LRWD1: variants seen among roughly 807,000 people sequenced by gnomAD.
The protein encoded by LRWD1 is leucine-rich repeat and WD repeat-containing protein 1.
A neutral mutation model predicts 75.6 loss-of-function variants in LRWD1; 76 were observed. That is an observed-to-expected ratio of 1.01 (90% CI 0.84 to 1.22). The LOEUF is 1.22. LRWD1 is among the 50% of genes most tolerant of loss of function. The probability of loss-of-function intolerance (pLI) is 0.00; values close to 1 mark genes in which losing one functional copy is unlikely to be tolerated. For synonymous variants in LRWD1, 487 were observed against 377.0 expected (o/e 1.29, Z -3.38); for missense variants, 917 against 862.0 (o/e 1.06, Z -0.80).
At chr7:102,471,273 G>T (rs1162033389) in intron 11 of LRWD1, 1 of 153,514 alleles carries the variant, frequency 6.5e-6, no homozygotes, top group African/African-American at 2.4e-5. Context: ...CACCGTGTTG[G>T]CCAGGCTGGT....
Position 102,472,221 on chromosome 7 carries a change from G to A in LRWD1, c.1446G>A (p.Val482=), listed in dbSNP as rs1798217202. 1.3e-6 allele frequency: 2 copies of A among 1,590,488 alleles called. No homozygotes were observed. Among genetic ancestry groups the A allele is most frequent in the South Asian group, 1.1e-5 (1 of 87,766 alleles). ...AGCATCTCGTGCTGCCCCACAGGGT[G>A]TGTGAAGTGGAATTCGTCTTCTCTG... is the stretch of plus-strand genomic sequence containing the variant. ...VRLDQPQKRR[V]CEVEFVFSEG... Residue 482 remains valine, a synonymous_variant, in exon 12 of 15, where the codon GTG becomes GTA. Coordinates refer to ENST00000292616, the MANE Select transcript of LRWD1 (RefSeq NM_152892.3).
rs766799859 is a variant in LRWD1, at chr7:102,467,306, G to T, written c.433-33G>T. The T allele has an allele frequency of 1.9e-6, 3 of 1,567,574 alleles. No individual in the cohort carries two copies. In the African/African-American group the frequency reaches 4.1e-5, roughly 21 times the overall value. On this transcript the variant is annotated intron_variant, in intron 3 of 14. Transcript: ENST00000292616. ...GGCTGGGTCCGGAGGAGCTGGGGTG[G>T]GCCGGGCCTGGATCTGGTCCCTCTT...
intron 11 of LRWD1, 64 bp downstream of exon 11, chr7:102,469,946 T>A: frequency 6.9e-7 from 1 of 1,440,870 alleles, no homozygotes; most frequent in South Asian, 1.4e-5. Flanking sequence ...TTGGCCCAGA[T>A]GGGCTCACAG....
Position 102,469,056 on chromosome 7 carries a change from C to T in LRWD1, c.1222C>T (p.Leu408Phe), listed in dbSNP as rs749544550. 1 of 1,602,966 alleles carries T rather than the reference C, an allele frequency of 6.2e-7. No individual in the cohort carries two copies. ...LCFSPAHETH[L>F]FTASYDKRII... Reference sequence around the variant, plus strand: ...CTTCAGCCCCGCCCACGAGACCCATCTCTTCAGTAAGCCCCTCCCCTTCAC... The same window carrying T: ...CTTCAGCCCCGCCCACGAGACCCATTTCTTCAGTAAGCCCCTCCCCTTCAC... Residue 408 changes from leucine (L) to phenylalanine (F), a missense_variant, in exon 9 of 15, where the codon CTC (leucine) becomes TTC (phenylalanine). Leu to Phe is a conservative substitution (Grantham distance 22). Coordinates refer to ENST00000292616, the MANE Select transcript of LRWD1 (RefSeq NM_152892.3).
chr7:102,468,693 C>A (rs562601883), intron 8 of LRWD1, 39 bp downstream of exon 8: 2 of 1,548,292 alleles, frequency 1.3e-6, no homozygotes, highest in Non-Finnish European at 8.7e-7. Context: ...CAAGGGTGCC[C>A]GACTGACTCC....
rs1308121768 is a variant in LRWD1 at position 102,473,113 on chromosome 7, G to A, written c.*64G>A. 1.4e-6 allele frequency: 2 copies of A among 1,409,366 alleles called. No individual in the cohort carries two copies. Among genetic ancestry groups the A allele is most frequent in the East Asian group, 4.8e-5 (2 of 41,586 alleles). 87.3% of individuals were successfully genotyped at this position (1,409,366 alleles called of 1,614,324 possible). On this transcript the variant is annotated 3_prime_UTR_variant, in exon 15 of 15. Transcript: ENST00000292616. ...AACTTATTCAGCTTTGGGCCGATGG[G>A]GGTGGGGGGGGGTCTTTCAGTGAAT...
At chr7:102,465,490 T>C (rs1212370160) in intron 1 of LRWD1, 1 of 6,560 alleles carries the variant, frequency 1.5e-4, no homozygotes, top group Non-Finnish European at 6.0e-4. Flanking sequence ...TAGTTGCAGC[T>C]TTTTTTTTTT....
In LRWD1 at chr7:102,469,795, C is replaced by A; in HGVS notation, c.1355C>A (p.Ala452Asp). ...TSIPLRLCPVASCPDARLLAG... is the reference protein window; with the variant it reads ...TSIPLRLCPVDSCPDARLLAG... ...ATCCCCCTGCGCCTCTGCCCTGTCG[C>A]CTCCTGCCCGGACGCCCGCCTGCTG... Residue 452 changes from alanine to aspartate, a missense_variant, in exon 11 of 15, where the codon GCC (alanine) becomes GAC (aspartate). Physicochemically the swap from Ala to Asp is moderately radical, Grantham distance 126 (BLOSUM62 -2). Transcript: ENST00000292616. 6.2e-7 allele frequency: 1 copy of A among 1,609,268 alleles called. No individual in the cohort carries two copies. The highest frequency in any genetic ancestry group is 8.5e-7 in the Non-Finnish European group (1 of 1,177,624).
At position 102,465,205 on chromosome 7, in the gene LRWD1, G is replaced by A. The variant is rs1235003573; in HGVS notation, c.80+45G>A. The A allele has an allele frequency of 5.7e-6, 8 of 1,401,734 alleles. No individual in the cohort carries two copies. In the African/African-American group the frequency reaches 1.1e-4, roughly 19 times the overall value. 86.8% of individuals were successfully genotyped at this position (1,401,734 alleles called of 1,614,324 possible). A position where few individuals can be genotyped will look rare whatever the true frequency, so the allele number is the denominator to read the frequency against. ...TGAGGCTGTGTCCTCGGGGCCGGGC[G>A]GTCGGGGAGAAGAGCGGGGACCCTC... On this transcript the variant is annotated intron_variant, in intron 1 of 14. Transcript: ENST00000292616.
chr7:102,472,404 A>G (rs755628120), intron 12 of LRWD1, 50 bp from the exon 13 acceptor site: 91 of 1,548,706 alleles, frequency 5.9e-5, no homozygotes, highest in Non-Finnish European at 6.8e-5. Context: ...CTAGTGGGAG[A>G]AGGTGTCTGG....
In LRWD1 at chr7:102,467,895, C is replaced by T. The variant is rs528039214; in HGVS notation, c.678+72C>T. ...CTGGAGAAGCTTCAGGAGACCAAGG[C>T]GTCCTGGGCATGTGCCCAGGAAGCA... On this transcript the variant is annotated intron_variant, in intron 5 of 14. Coordinates refer to ENST00000292616, the MANE Select transcript of LRWD1 (RefSeq NM_152892.3). The T allele has an allele frequency of 2.9e-5, 44 of 1,512,796 alleles. No individual in the cohort carries two copies. In the African/African-American group the frequency reaches 4.5e-4, roughly 15 times the overall value. 93.7% of individuals were successfully genotyped at this position (1,512,796 alleles called of 1,614,324 possible). A position where few individuals can be genotyped will look rare whatever the true frequency, so the allele number is the denominator to read the frequency against.
At chr7:102,468,795 AC>A in intron 8 of LRWD1, 59 bp from the exon 9 acceptor site, 1 of 1,579,414 alleles carries the variant, frequency 6.3e-7, no homozygotes, top group Non-Finnish European at 8.6e-7. Flanking sequence ...GGCCCGGGCT[AC>A]CCGCGTGTTC....
intron 1 of LRWD1, among the ~76,000 whole-genome samples, chr7:102,465,365 A>T (rs1351839193): frequency 6.6e-6 from 1 of 152,102 alleles, no homozygotes; most frequent in Non-Finnish European, 1.5e-5. Flanking sequence ...GGGAGCCCGG[A>T]CAGTTAGGGG....
Position 102,466,148 on chromosome 7 carries a change from C to A in LRWD1, c.316-6C>A. The A allele has an allele frequency of 6.2e-7, 1 of 1,613,738 alleles. No homozygotes were observed. Among genetic ancestry groups the A allele is most frequent in the Non-Finnish European group, 8.5e-7 (1 of 1,179,596 alleles). On this transcript the variant is annotated splice_polypyrimidine_tract_variant and splice_region_variant and intron_variant, in intron 2 of 14. Transcript: ENST00000292616. ...GAGCCACTGCTCTTCACCCTCTCTT[C>A]CCCAGGTCAATGACAACCTGAAAGT...
At chr7:102,470,550 C>G (rs914271708) in intron 11 of LRWD1, 1 of 152,418 alleles carries the variant, frequency 6.6e-6, no homozygotes, top group East Asian at 1.9e-4. Context: ...CTCACGCTTT[C>G]CTCCCTGGGA....
intron 11 of LRWD1, chr7:102,471,939 T>C: frequency 2.3e-6 from 1 of 429,464 alleles, no homozygotes. Flanking sequence ...ACTGGCTCGC[T>C]TCAGAGCCTT....
rs527362228 is a variant in LRWD1 at position 102,472,237 on chromosome 7, G to C, written c.1462G>C (p.Val488Leu). Reference sequence around the variant, plus strand: ...CCACAGGGTGTGTGAAGTGGAATTCGTCTTCTCTGAGGGCTCCGAGGCATC... The same window carrying C: ...CCACAGGGTGTGTGAAGTGGAATTCCTCTTCTCTGAGGGCTCCGAGGCATC... ...QKRRVCEVEFVFSEGSEASGR... is the reference protein window; with the variant it reads ...QKRRVCEVEFLFSEGSEASGR... The change falls in exon 12 of 15, where the codon GTC (valine) becomes CTC (leucine). Residue 488 changes from valine to leucine, a missense_variant. Coordinates refer to ENST00000292616, the MANE Select transcript of LRWD1 (RefSeq NM_152892.3). The C allele has an allele frequency of 2.5e-6, 4 of 1,595,874 alleles. No individual in the cohort carries two copies. The highest frequency in any genetic ancestry group is 1.7e-5 in the Admixed American group (1 of 57,766).
rs1586745187 is a variant in LRWD1 at position 102,472,444 on chromosome 7, T to G, written c.1535-10T>G. 3 of 1,536,364 alleles carry G rather than the reference T, an allele frequency of 2.0e-6. No homozygotes were observed. The highest frequency in any genetic ancestry group is 2.6e-6 in the Non-Finnish European group (3 of 1,138,468). On this transcript the variant is annotated splice_polypyrimidine_tract_variant and intron_variant, in intron 12 of 14. Coordinates refer to ENST00000292616, the MANE Select transcript of LRWD1 (RefSeq NM_152892.3). ...GGCCACCCTGCACAGCTCTCCCTTC[T>G]CCCCCACAGCCTCCAAGGGGAGCGG...
rs1798043257 is a variant in LRWD1 at position 102,467,414 on chromosome 7, G to A, written c.508G>A (p.Val170Met). The part of the protein sequence containing the change: ...EEAEKAQADF[V>M]KSAVRDVRYG... ...GGCTGAGAAGGCCCAGGCGGACTTT[G>A]TGAAGTCGGCTGTCAGGGATGTCCG... Residue 170 changes from valine to methionine, a missense_variant, in exon 4 of 15, where the codon GTG becomes ATG. Transcript: ENST00000292616. 1 of 1,613,708 alleles carries A rather than the reference G, an allele frequency of 6.2e-7. No individual in the cohort carries two copies. The highest frequency in any genetic ancestry group is 1.3e-5 in the African/African-American group (1 of 74,818).
Sources: gnomAD v4.1 joint callset for allele counts (sites outside exome capture counted in the v4.1 genomes callset) on GRCh38, gnomAD v4.1.1 for gene constraint, MANE v1.5 for transcripts, NCBI Gene and HGNC (gene_info 2026-07-23, HGNC 2026-07-21) for gene names.